The following RHBDD1 variants were observed in gnomAD, a reference collection of about 807,000 sequenced individuals.
The protein encoded by RHBDD1 is rhomboid domain containing 1, also known as rhomboid-related protein 4.
A neutral mutation model predicts 36.3 loss-of-function variants in RHBDD1; 38 were observed. The observed-to-expected ratio is 1.05, with a 90% CI of 0.81 to 1.37. The LOEUF (loss-of-function observed/expected upper bound fraction) is 1.37, where lower values mean the gene tolerates loss of function less well. Among genes scored for constraint, RHBDD1 ranks in the 40% most tolerant of loss-of-function variants. The probability of loss-of-function intolerance (pLI) is 0.00; values close to 1 mark genes in which losing one functional copy is unlikely to be tolerated. For synonymous variants in RHBDD1, 151 were observed against 136.5 expected, an observed-to-expected ratio of 1.11 and a Z score of -0.74; for missense variants, 393 against 377.6, an observed-to-expected ratio of 1.04 and a Z score of -0.34.
chr2:226,851,562 T>C (rs981011323), intron 3 of RHBDD1, among the ~76,000 whole-genome samples: 1 of 152,002 alleles, frequency 6.6e-6, no homozygotes, highest in Non-Finnish European at 1.5e-5. Flanking sequence ...TTTTTTATCA[T>C]CTTTGCTTTT....
At chr2:226,871,130 A>C (rs998646520) in intron 5 of RHBDD1, among the ~76,000 whole-genome samples, 7 of 152,228 alleles carry the variant, frequency 4.6e-5, no homozygotes, top group African/African-American at 1.7e-4. Context: ...GAGAAAAAAT[A>C]TATTTTTTAC....
At chr2:226,876,738 C>A (rs1945272131) in intron 5 of RHBDD1, among the ~76,000 whole-genome samples, 1 of 151,924 alleles carries the variant, frequency 6.6e-6, no homozygotes. Flanking sequence ...TGGGTTATAG[C>A]TATCAATATT....
intron 8 of RHBDD1, among the ~76,000 whole-genome samples, chr2:226,964,819 G>A (rs1203105933): frequency 6.6e-6 from 1 of 152,282 alleles, no homozygotes; most frequent in East Asian, 1.9e-4. Context: ...CTTTACAAAT[G>A]GATAGTAGAA....
intron 5 of RHBDD1, among the ~76,000 whole-genome samples, chr2:226,899,668 A>G (rs1016782500): frequency 5.3e-5 from 8 of 152,230 alleles, no homozygotes; most frequent in Admixed American, 4.6e-4. Flanking sequence ...CAGAGGAATG[A>G]CTTTCCAACT....
At chr2:226,930,481 A>G (rs1304452398) in intron 8 of RHBDD1, among the ~76,000 whole-genome samples, 1 of 151,976 alleles carries the variant, frequency 6.6e-6, no homozygotes, top group Non-Finnish European at 1.5e-5. Flanking sequence ...CTCTCACCAT[A>G]TAAAAAATTA....
intron 3 of RHBDD1, among the ~76,000 whole-genome samples, chr2:226,850,702 A>C (rs548528889): frequency 5.9e-5 from 9 of 152,312 alleles, no homozygotes; most frequent in African/African-American, 2.2e-4. Context: ...AGTGATTTTT[A>C]AGAGGCTCTG....
At chr2:226,817,504 T>C in the RHBDD1 span, among the ~76,000 whole-genome samples, 3,308 of 152,232 alleles carry the variant, frequency 0.022, 114 homozygotes, top group African/African-American at 0.075. Flanking sequence ...AAAGCAACCA[T>C]AAACTGGAAG....
chr2:226,956,487 C>T lies in RHBDD1; in HGVS notation c.857-38944C>T, dbSNP rs150985077. 3.5e-4 allele frequency among the ~76,000 whole-genome samples: 53 copies of T among 152,296 alleles called. No homozygotes were observed. The East Asian group carries it at 5.8e-3, about 17-fold the overall frequency. ...TCACCAGTCCCCAAGTTCTCCTGCT[C>T]ATGATTTCAGGGTGTAGGTCACACA... is the stretch of plus-strand genomic sequence containing the variant. On this transcript the variant is annotated intron_variant, in intron 8 of 8. Transcript: ENST00000392062.
chr2:226,964,819 G>C (rs1203105933), intron 8 of RHBDD1, among the ~76,000 whole-genome samples: 5 of 152,166 alleles, frequency 3.3e-5, no homozygotes, highest in Non-Finnish European at 7.3e-5. Flanking sequence ...CTTTACAAAT[G>C]GATAGTAGAA....
intron 3 of RHBDD1, among the ~76,000 whole-genome samples, chr2:226,853,807 G>T (rs1943064285): frequency 6.6e-6 from 1 of 152,220 alleles, no homozygotes; most frequent in African/African-American, 2.4e-5. Flanking sequence ...GACAGAGAAA[G>T]TGAAGGACTG....
At chr2:226,891,024 T>C (rs1457573996) in intron 5 of RHBDD1, among the ~76,000 whole-genome samples, 1 of 152,194 alleles carries the variant, frequency 6.6e-6, no homozygotes, top group East Asian at 1.9e-4. Flanking sequence ...GTTTTGGCTT[T>C]TGTATTAGTT....
At position 226,864,794 on chromosome 2, in the gene RHBDD1, C is replaced by A; in HGVS notation, c.101C>A (p.Thr34Asn). 6.2e-7 allele frequency: 1 copy of A among 1,614,206 alleles called. No individual in the cohort carries two copies. The highest frequency in any genetic ancestry group is 8.5e-7 in the Non-Finnish European group (1 of 1,180,036). ...AATATTCCACCTGTCACCCTAGCAA[C>A]TTTGGCCCTCAACATCTGGTTCTTC... ...INNIPPVTLA[T>N]LALNIWFFLN... Residue 34 changes from threonine (T) to asparagine (N), a missense_variant, in exon 4 of 9, where the codon ACT becomes AAT. Transcript: ENST00000392062.
intron 5 of RHBDD1, among the ~76,000 whole-genome samples, chr2:226,890,069 G>T (rs1181542464): frequency 2.0e-5 from 3 of 152,172 alleles, no homozygotes; most frequent in Admixed American, 6.6e-5. Context: ...CAGGTACAAG[G>T]TGAGGGTTGC....
intron 8 of RHBDD1, among the ~76,000 whole-genome samples, chr2:226,943,386 T>C (rs1158952814): frequency 2.6e-5 from 4 of 152,222 alleles, no homozygotes; most frequent in Non-Finnish European, 4.4e-5. Flanking sequence ...AATCATGATA[T>C]GAGGTGACTC....
At chr2:226,908,453 T>A in intron 6 of RHBDD1, 1 of 200,724 alleles carries the variant, frequency 5.0e-6, no homozygotes, top group Non-Finnish European at 1.0e-5. Flanking sequence ...TAACACCTTC[T>A]TTGAGGAAGG....
At chr2:226,873,507 C>A (rs1489866069) in intron 5 of RHBDD1, among the ~76,000 whole-genome samples, 1 of 152,110 alleles carries the variant, frequency 6.6e-6, no homozygotes, top group Non-Finnish European at 1.5e-5. Flanking sequence ...TGAATGAGCC[C>A]AGGCAAGTGA....
intron 8 of RHBDD1, among the ~76,000 whole-genome samples, chr2:226,963,071 G>A (rs1282030767): frequency 1.3e-5 from 2 of 152,026 alleles, no homozygotes; most frequent in East Asian, 1.9e-4. Flanking sequence ...AGACGCAAGC[G>A]CACCTCTCCC....
chr2:226,918,079 C>A (rs967728483), intron 8 of RHBDD1, among the ~76,000 whole-genome samples: 1 of 151,968 alleles, frequency 6.6e-6, no homozygotes, highest in African/African-American at 2.4e-5. Context: ...ATAATTTTAA[C>A]ATATAATCCA....
At chr2:226,991,834 T>C (rs1958281499) in intron 8 of RHBDD1, among the ~76,000 whole-genome samples, 1 of 152,192 alleles carries the variant, frequency 6.6e-6, no homozygotes. Flanking sequence ...GTCCCCTTTT[T>C]CAGTAGCCTC....
Sources: gnomAD v4.1 joint callset for allele counts (sites outside exome capture counted in the v4.1 genomes callset) on GRCh38, gnomAD v4.1.1 for gene constraint, MANE v1.5 for transcripts, NCBI Gene and HGNC (gene_info 2026-07-23, HGNC 2026-07-21) for gene names.